The following EPB41L4A variants were observed in gnomAD, a reference collection of about 807,000 sequenced individuals.
EPB41L4A encodes the protein erythrocyte membrane protein band 4.1 like 4A, also known as band 4.1-like protein 4A.
A neutral mutation model predicts 108.6 loss-of-function variants in EPB41L4A; 100 were observed. That is an observed-to-expected ratio of 0.92 (90% CI 0.78 to 1.09). The LOEUF is 1.09. Among genes scored for constraint, EPB41L4A ranks in the 50% least tolerant of loss-of-function variants. The pLI, the probability that EPB41L4A is intolerant of heterozygous loss-of-function variation, is 0.00. For missense variants in EPB41L4A, 1,030 were observed against 842.7 expected (o/e 1.22, Z -2.75); for synonymous variants, 319 against 289.0 (o/e 1.10, Z -1.05).
intron 9 of EPB41L4A, among the ~76,000 whole-genome samples, chr5:112,244,111 C>A (rs1561505604): frequency 6.6e-6 from 1 of 152,258 alleles, no homozygotes; most frequent in East Asian, 1.9e-4. Context: ...CACAACTATT[C>A]CTTTCAGTTG....
intron 1 of EPB41L4A, among the ~76,000 whole-genome samples, chr5:112,358,081 CAAT>C (rs1381187160): frequency 3.9e-5 from 6 of 152,364 alleles, no homozygotes; most frequent in African/African-American, 9.6e-5. Flanking sequence ...CCTTTGCCAA[CAAT>C]GAGTGCCTGA....
At chr5:112,212,491 C>CG (rs1278012706) in intron 12 of EPB41L4A, among the ~76,000 whole-genome samples, 2 of 152,054 alleles carry the variant, frequency 1.3e-5, no homozygotes, top group Non-Finnish European at 2.9e-5. Context: ...GACAGGGTTT[C>CG]ACCATCTTGG....
chr5:112,415,103 C>T (rs1580866152), intron 1 of EPB41L4A, among the ~76,000 whole-genome samples: 2 of 151,906 alleles, frequency 1.3e-5, no homozygotes, highest in South Asian at 4.2e-4. Flanking sequence ...TTTATTAGTC[C>T]AAATTGAATG....
At chr5:112,389,814 G>T (rs760039292) in intron 1 of EPB41L4A, among the ~76,000 whole-genome samples, 2 of 152,026 alleles carry the variant, frequency 1.3e-5, no homozygotes, top group African/African-American at 4.8e-5. Flanking sequence ...TGTAATATAC[G>T]TTATCTCACT....
At chr5:112,253,912 TA>T (rs1423215299) in intron 9 of EPB41L4A, among the ~76,000 whole-genome samples, 3 of 152,204 alleles carry the variant, frequency 2.0e-5, no homozygotes, top group African/African-American at 7.2e-5. Context: ...TGGCTTAACG[TA>T]AGTGAGACCT....
At chr5:112,298,428 A>T (rs2150556626) in intron 2 of EPB41L4A, among the ~76,000 whole-genome samples, 1 of 152,272 alleles carries the variant, frequency 6.6e-6, no homozygotes, top group East Asian at 1.9e-4. Flanking sequence ...CTCTTTCTGC[A>T]TCTACTGAGA....
At chr5:112,359,542 TTC>T (rs912250795) in intron 1 of EPB41L4A, among the ~76,000 whole-genome samples, 10 of 129,326 alleles carry the variant, frequency 7.7e-5, no homozygotes, top group Non-Finnish European at 1.2e-4. Flanking sequence ...CTTGAAAGTC[TTC>T]TTTTTTTTTT....
At chr5:112,285,108 C>T (rs1284063316) in intron 2 of EPB41L4A, among the ~76,000 whole-genome samples, 1 of 152,018 alleles carries the variant, frequency 6.6e-6, no homozygotes, top group East Asian at 1.9e-4. Context: ...GAAAGGACAC[C>T]ATGAAATAAT....
Position 112,266,280 on chromosome 5 carries a change from G to T in EPB41L4A, c.386C>A (p.Pro129His). The T allele has an allele frequency of 6.2e-7, 1 of 1,610,986 alleles. No individual in the cohort carries two copies. Reference protein sequence around the residue: ...VKQDVLQGRLPCPVNTAAQLG... With the variant: ...VKQDVLQGRLHCPVNTAAQLG... ...CTGAGCAGCAGTGTTGACGGGACAG[G>T]GCAGACGGCCCTGAAGGACATCTTG... is the stretch of plus-strand genomic sequence containing the variant. Residue 129 changes from proline (P) to histidine (H), a missense_variant, in exon 5 of 23, where the codon CCC becomes CAC. Pro to His is a moderately conservative substitution (Grantham distance 77). Coordinates refer to ENST00000261486, the MANE Select transcript of EPB41L4A (RefSeq NM_022140.5).
intron 1 of EPB41L4A, among the ~76,000 whole-genome samples, chr5:112,413,515 C>G (rs980991471): frequency 7.2e-5 from 11 of 152,156 alleles, no homozygotes; most frequent in Non-Finnish European, 1.6e-4. Flanking sequence ...ATGAAGTATA[C>G]AGCTCTGACT....
At chr5:112,180,860 G>C (rs1190998201) in intron 18 of EPB41L4A, among the ~76,000 whole-genome samples, 1 of 151,996 alleles carries the variant, frequency 6.6e-6, no homozygotes, top group Non-Finnish European at 1.5e-5. Flanking sequence ...AAATGAATAA[G>C]AAAAAGGACA....
chr5:112,222,239 CAG>C (rs755670048), intron 12 of EPB41L4A, among the ~76,000 whole-genome samples: 2 of 152,190 alleles, frequency 1.3e-5, no homozygotes, highest in Non-Finnish European at 2.9e-5. Flanking sequence ...GGGGAAAAAA[CAG>C]AAGTTGTATA....
chr5:112,217,585 C>T (rs1038338324), intron 12 of EPB41L4A, among the ~76,000 whole-genome samples: 4 of 152,066 alleles, frequency 2.6e-5, no homozygotes, highest in African/African-American at 7.2e-5. Context: ...CTTGTCATCC[C>T]AGTTATTGAG....
intron 9 of EPB41L4A, among the ~76,000 whole-genome samples, chr5:112,247,710 A>G (rs1358732146): frequency 6.6e-6 from 1 of 152,200 alleles, no homozygotes; most frequent in Non-Finnish European, 1.5e-5. Flanking sequence ...TGGGGGTTTG[A>G]GTCAGGTTTA....
chr5:112,407,924 C>A (rs992159639), intron 1 of EPB41L4A, among the ~76,000 whole-genome samples: 2 of 152,172 alleles, frequency 1.3e-5, no homozygotes, highest in African/African-American at 4.8e-5. Flanking sequence ...TATACAGTGT[C>A]GCTGCTCCAG....
intron 11 of EPB41L4A, 171 bp downstream of exon 11, chr5:112,239,489 G>C (rs376945563): frequency 7.0e-6 from 3 of 427,866 alleles, no homozygotes; most frequent in East Asian, 7.4e-5. Flanking sequence ...AATTAAATCT[G>C]GAAAATCATG....
At chr5:112,229,219 G>T (rs1483033611) in intron 12 of EPB41L4A, among the ~76,000 whole-genome samples, 1 of 151,514 alleles carries the variant, frequency 6.6e-6, no homozygotes, top group South Asian at 2.1e-4. Context: ...TGTTTTTTTT[G>T]AAACACATCA....
chr5:112,170,920 A>G (rs1760542777), intron 19 of EPB41L4A, 25 bp downstream of exon 19: 1 of 1,606,244 alleles, frequency 6.2e-7, no homozygotes, highest in African/African-American at 1.3e-5. Flanking sequence ...GTTTTAAAAC[A>G]ATAAGAAAGA....
At chr5:112,352,195 A>G (rs2150734372) in intron 1 of EPB41L4A, among the ~76,000 whole-genome samples, 1 of 152,176 alleles carries the variant, frequency 6.6e-6, no homozygotes, top group South Asian at 2.1e-4. Flanking sequence ...TTGCTTTTCT[A>G]GTTCCTTGAA....
Sources: gnomAD v4.1 joint callset for allele counts (sites outside exome capture counted in the v4.1 genomes callset) on GRCh38, gnomAD v4.1.1 for gene constraint, MANE v1.5 for transcripts, NCBI Gene and HGNC (gene_info 2026-07-23, HGNC 2026-07-21) for gene names.